The following MCF2L2 variants were observed in gnomAD, a reference collection of about 807,000 sequenced individuals.
MCF2L2 encodes probable guanine nucleotide exchange factor MCF2L2.
MCF2L2 carries 102 observed loss-of-function variants against 150.2 expected under a neutral mutation model. That is an observed-to-expected ratio of 0.68 (90% CI 0.58 to 0.80). The LOEUF (loss-of-function observed/expected upper bound fraction) is 0.80. Ranked by LOEUF, MCF2L2 falls within the 30% of genes least tolerant of loss-of-function variation. The pLI, the probability that MCF2L2 is intolerant of heterozygous loss-of-function variation, is 0.00. For synonymous variants in MCF2L2, 465 were observed against 491.3 expected (o/e 0.95, Z 0.71); for missense variants, 1,256 against 1,372.8 (o/e 0.91, Z 1.34).
chr3:183,292,059 G>A (rs1357868031), intron 13 of MCF2L2, among the ~76,000 whole-genome samples: 1 of 151,152 alleles, frequency 6.6e-6, no homozygotes, highest in Non-Finnish European at 1.5e-5. Context: ...GTATGTGTGT[G>A]CAAGTGTGTG....
intron 10 of MCF2L2, 112 bp downstream of exon 10, chr3:183,309,604 G>A: frequency 7.3e-7 from 1 of 1,377,922 alleles, no homozygotes. Context: ...TGAAGGGCAG[G>A]ACTGGGCATT....
intron 7 of MCF2L2, among the ~76,000 whole-genome samples, chr3:183,313,232 AACAC>A (rs111694523): frequency 4.7e-5 from 7 of 149,286 alleles, no homozygotes; most frequent in East Asian, 3.9e-4. Flanking sequence ...AGCTTCCAGC[AACAC>A]ACACACACAC....
At chr3:183,332,203 T>C (rs1189913614) in intron 5 of MCF2L2, among the ~76,000 whole-genome samples, 1 of 152,206 alleles carries the variant, frequency 6.6e-6, no homozygotes, top group Admixed American at 6.5e-5. Flanking sequence ...TTAAGCTTGA[T>C]AACTTCAGAC....
chr3:183,323,435 T>C, intron 5 of MCF2L2, 84 bp from the exon 6 acceptor site: 2 of 544,744 alleles, frequency 3.7e-6, no homozygotes, highest in Non-Finnish European at 3.1e-6. Flanking sequence ...ATCATAATTA[T>C]ATTTTATATT....
chr3:183,346,036 T>G (rs150885051), intron 3 of MCF2L2, among the ~76,000 whole-genome samples: 1 of 151,934 alleles, frequency 6.6e-6, no homozygotes, highest in East Asian at 1.9e-4. Flanking sequence ...TTCCAAACAA[T>G]AGAAAAAGAG....
chr3:183,215,821 G>A, intron 22 of MCF2L2, 148 bp downstream of exon 22: 7 of 842,396 alleles, frequency 8.3e-6, no homozygotes, highest in South Asian at 2.1e-5. Context: ...CTTGTAGTGC[G>A]GGTTTACTGA....
chr3:183,382,613 T>C (rs1006917872), intron 2 of MCF2L2, among the ~76,000 whole-genome samples: 9 of 152,094 alleles, frequency 5.9e-5, no homozygotes, highest in African/African-American at 2.2e-4. Flanking sequence ...GGTAATGCAA[T>C]AGGAAGAAAG....
intron 7 of MCF2L2, among the ~76,000 whole-genome samples, chr3:183,314,017 C>T (rs1377263796): frequency 6.6e-6 from 1 of 152,204 alleles, no homozygotes; most frequent in Non-Finnish European, 1.5e-5. Flanking sequence ...CAGCTGAGTC[C>T]TGTCTGCTTG....
chr3:183,202,757 C>T (rs1722333189), intron 25 of MCF2L2, among the ~76,000 whole-genome samples: 1 of 152,214 alleles, frequency 6.6e-6, no homozygotes, highest in Non-Finnish European at 1.5e-5. Context: ...CAACAATAAA[C>T]AGCAACACCA....
chr3:183,412,581 G>A (rs536477662), intron 1 of MCF2L2, among the ~76,000 whole-genome samples: 1 of 152,206 alleles, frequency 6.6e-6, no homozygotes, highest in East Asian at 1.9e-4. Flanking sequence ...TTACAGGCAT[G>A]AGCCACCACA....
chr3:183,380,524 C>T (rs1577107956), intron 2 of MCF2L2, among the ~76,000 whole-genome samples: 1 of 152,180 alleles, frequency 6.6e-6, no homozygotes, highest in South Asian at 2.1e-4. Context: ...GCCTCAGCCT[C>T]GTGAGTAGCT....
At chr3:183,311,270 G>A (rs1198339836) in intron 8 of MCF2L2, among the ~76,000 whole-genome samples, 1 of 152,162 alleles carries the variant, frequency 6.6e-6, no homozygotes, top group Non-Finnish European at 1.5e-5. Context: ...CAGCTGCTGT[G>A]CTTTAGAATG....
At chr3:183,313,232 A>AACACACACACACACACACACAC (rs111694523) in intron 7 of MCF2L2, among the ~76,000 whole-genome samples, 3 of 149,304 alleles carry the variant, frequency 2.0e-5, no homozygotes, top group African/African-American at 7.4e-5. Flanking sequence ...AGCTTCCAGC[A>AACACACACACACACACACACAC]ACACACACAC....
intron 27 of MCF2L2, among the ~76,000 whole-genome samples, chr3:183,189,401 G>C (rs1053846172): frequency 6.6e-6 from 1 of 152,210 alleles, no homozygotes; most frequent in African/African-American, 2.4e-5. Context: ...ATTCTGAAAG[G>C]GTTCAGGAAG....
chr3:183,193,220 G>T, intron 26 of MCF2L2, 124 bp from the exon 27 acceptor site: 1 of 741,944 alleles, frequency 1.3e-6, no homozygotes. Flanking sequence ...AGGACCTGCT[G>T]CTCCTCCCTC....
intron 6 of MCF2L2, among the ~76,000 whole-genome samples, chr3:183,322,563 A>G (rs1329053601): frequency 6.6e-6 from 1 of 152,254 alleles, no homozygotes. Context: ...ACAGATGAAG[A>G]AACAAGCTCA....
chr3:183,182,297 A>G (rs1228146069), intron 27 of MCF2L2, among the ~76,000 whole-genome samples: 2 of 152,102 alleles, frequency 1.3e-5, no homozygotes, highest in Non-Finnish European at 2.9e-5. Flanking sequence ...CACCTGGGCC[A>G]GTGACAGCAG....
At chr3:183,199,621 CTT>C (rs1163310933) in intron 25 of MCF2L2, among the ~76,000 whole-genome samples, 5,397 of 141,520 alleles carry the variant, frequency 0.038, 313 homozygotes, top group African/African-American at 0.13. Context: ...TTTTTTTTTC[CTT>C]TTTTTTTTTT....
rs372290553 is a variant in MCF2L2, at chr3:183,189,628, G to A, written c.3016+3371C>T. On this transcript the variant is annotated intron_variant, in intron 27 of 29. Coordinates refer to ENST00000328913, the MANE Select transcript of MCF2L2 (RefSeq NM_015078.4). ...AAGAGAGCAGTTACCATACTGGAAG[G>A]AGAAATGGGTCCTGGTCATCAGAAG... Among the ~76,000 whole-genome samples the A allele has an allele frequency of 1.6e-4, 25 of 152,198 alleles. No individual in the cohort carries two copies. The East Asian group carries it at 3.3e-3, about 20-fold the overall frequency.
Sources: allele counts gnomAD v4.1 joint callset (sites outside exome capture counted in the v4.1 genomes callset), GRCh38; gene constraint gnomAD v4.1.1; transcripts MANE v1.5; gene names NCBI Gene and HGNC (gene_info 2026-07-23, HGNC 2026-07-21).